The following GPLD1 variants were observed in gnomAD, a reference collection of about 807,000 sequenced individuals.
GPLD1 encodes the protein glycosylphosphatidylinositol specific phospholipase D1.
Under a neutral mutation model 112.6 loss-of-function variants are expected in GPLD1, and 84 were observed. That is an observed-to-expected ratio of 0.75 (90% CI 0.63 to 0.89). The LOEUF (loss-of-function observed/expected upper bound fraction) is 0.89. Among genes scored for constraint, GPLD1 ranks in the 40% least tolerant of loss-of-function variants. The pLI is 0.00. For synonymous variants in GPLD1, 386 were observed against 403.8 expected (o/e 0.96, Z 0.53); for missense variants, 1,044 against 1,051.5 (o/e 0.99, Z 0.10).
chr6:24,437,500 G>A (rs1762618830), intron 20 of GPLD1, among the ~76,000 whole-genome samples: 1 of 152,194 alleles, frequency 6.6e-6, no homozygotes, highest in South Asian at 2.1e-4. Flanking sequence ...CCTCCAGGCA[G>A]GTATTCTTTT....
At chr6:24,474,946 C>CAAAA (rs10646493) in intron 5 of GPLD1, among the ~76,000 whole-genome samples, 175 bp downstream of exon 5, 1 of 108,646 alleles carries the variant, frequency 9.2e-6, no homozygotes, top group Non-Finnish European at 2.0e-5. Flanking sequence ...GACTCCATCT[C>CAAAA]AAAAAAAAAA....
intron 4 of GPLD1, among the ~76,000 whole-genome samples, 156 bp from the exon 5 acceptor site, chr6:24,475,387 A>G (rs1007909484): frequency 3.2e-4 from 49 of 152,244 alleles, no homozygotes; most frequent in African/African-American, 1.2e-3. Context: ...TAAAAACCAC[A>G]TAAGAGGCCA....
chr6:24,436,036 G>C (rs919014604), intron 22 of GPLD1, among the ~76,000 whole-genome samples: 2 of 151,890 alleles, frequency 1.3e-5, no homozygotes, highest in Non-Finnish European at 2.9e-5. Context: ...TAGAAGAACT[G>C]CTTGAGCCCA....
chr6:24,486,905 T>C (rs534709578), intron 1 of GPLD1, among the ~76,000 whole-genome samples: 28 of 152,126 alleles, frequency 1.8e-4, no homozygotes, highest in Non-Finnish European at 3.7e-4. Flanking sequence ...ACCTAACCTA[T>C]GGACTGAACC....
intron 1 of GPLD1, chr6:24,494,925 TC>T: frequency 8.0e-7 from 1 of 1,253,698 alleles, no homozygotes; most frequent in South Asian, 3.6e-5. Context: ...TCCTCTTGCT[TC>T]CCCGCGACCC....
intron 20 of GPLD1, among the ~76,000 whole-genome samples, chr6:24,444,709 T>C (rs1581740752): frequency 6.6e-6 from 1 of 151,978 alleles, no homozygotes; most frequent in Non-Finnish European, 1.5e-5. Context: ...AATTAGATAA[T>C]GTGGTGGCTG....
chr6:24,455,092 C>T (rs1414973015), intron 13 of GPLD1, among the ~76,000 whole-genome samples: 1 of 152,194 alleles, frequency 6.6e-6, no homozygotes, highest in African/African-American at 2.4e-5. Context: ...TCAGAACAAA[C>T]GGCAGAACAA....
At position 24,454,199 on chromosome 6, in the gene GPLD1, G is replaced by T. The variant is rs750784468; in HGVS notation, c.1151C>A (p.Ala384Glu). Reference sequence around the variant, plus strand: ...CTGGTTGAGGTCAGCTGAGGTCATTGCCCTTAGGGAAGTGAAGGGACCCAC... The same window carrying T: ...CTGGTTGAGGTCAGCTGAGGTCATTTCCCTTAGGGAAGTGAAGGGACCCAC... ...LSFPYARLGW[A>E]MTSADLNQDG... Residue 384 changes from alanine (A) to glutamate (E), a missense_variant and splice_region_variant, in exon 14 of 25, where the codon GCA (alanine) becomes GAA (glutamate). Ala to Glu is a moderately radical substitution (Grantham distance 107). Transcript: ENST00000230036. 6.2e-7 allele frequency: 1 copy of T among 1,608,390 alleles called. No homozygotes were observed. The highest frequency in any genetic ancestry group is 1.1e-5 in the South Asian group (1 of 90,440).
At position 24,445,690 on chromosome 6, in the gene GPLD1, G is replaced by A. The variant is rs749525388; in HGVS notation, c.1926+36C>T. ...GTATAGGTGAGAAAACTTCCTTGGA[G>A]TGTCCACTCTCCTGTGTGGGGAGGG... On this transcript the variant is annotated intron_variant, in intron 19 of 24. Coordinates refer to ENST00000230036, the MANE Select transcript of GPLD1 (RefSeq NM_001503.4). 2.5e-6 allele frequency: 4 copies of A among 1,597,938 alleles called. No homozygotes were observed. The South Asian group carries it at 4.4e-5, about 18-fold the overall frequency.
intron 14 of GPLD1, among the ~76,000 whole-genome samples, chr6:24,452,603 C>G (rs1763126533): frequency 6.6e-6 from 1 of 152,090 alleles, no homozygotes; most frequent in African/African-American, 2.4e-5. Context: ...TGGTGAAACC[C>G]CGTCTCTACT....
At chr6:24,433,554 G>C (rs145510429) in intron 22 of GPLD1, 165 bp from the exon 23 acceptor site, 12 of 539,000 alleles carry the variant, frequency 2.2e-5, no homozygotes, top group Middle Eastern at 5.2e-4. Flanking sequence ...GTGCAGTGGC[G>C]TGATCTCAGC....
intron 22 of GPLD1, chr6:24,435,927 T>G (rs1033651482): frequency 1.5e-5 from 2 of 133,508 alleles, no homozygotes; most frequent in Non-Finnish European, 3.3e-5. Context: ...AACAAAGAAA[T>G]GAAACAAAAA....
rs202235007 is a variant in GPLD1 at position 24,481,337 on chromosome 6, CCCG to C, written c.154-1381_154-1379del. Among the ~76,000 whole-genome samples, 1,283 of 145,518 alleles carry C rather than the reference CCCG, an allele frequency of 8.8e-3. 17 individuals carry two copies. Among genetic ancestry groups the C allele is most frequent in the African/African-American group, 0.034 (1,216 of 35,666 alleles). ...GGGCAAAGTAAAAGTTTGGCAATAT[CCCG>C]CCCTTTTTTTTTTTTTTTTAAATAA... On this transcript the variant is annotated intron_variant, in intron 2 of 24. Coordinates refer to ENST00000230036, the MANE Select transcript of GPLD1 (RefSeq NM_001503.4).
intron 1 of GPLD1, chr6:24,494,917 C>G: frequency 8.0e-7 from 1 of 1,243,888 alleles, no homozygotes; most frequent in Non-Finnish European, 1.0e-6. Context: ...CTCCTCGCTC[C>G]TCTTGCTTCC....
Position 24,437,297 on chromosome 6 carries a change from G to A in GPLD1, c.2021-8C>T, listed in dbSNP as rs748993320. The A allele has an allele frequency of 2.5e-6, 4 of 1,611,528 alleles. No individual in the cohort carries two copies. Among genetic ancestry groups the A allele is most frequent in the East Asian group, 2.2e-5 (1 of 44,848 alleles). ...CCACCTTAGACACGTCATCTGAAAC[G>A]AACCACAGTTCCTGCTGGCCTCACA... On this transcript the variant is annotated splice_polypyrimidine_tract_variant and splice_region_variant and intron_variant, in intron 20 of 24. Transcript: ENST00000230036.
chr6:24,481,415 C>T (rs1027227414), intron 2 of GPLD1, among the ~76,000 whole-genome samples: 3 of 150,762 alleles, frequency 2.0e-5, no homozygotes, highest in Non-Finnish European at 2.9e-5. Flanking sequence ...AGAAGTACTT[C>T]AAGAAATTAA....
At chr6:24,424,955 G>T (rs377717246), downstream of GPLD1, 8 of 152,190 alleles carry the variant, frequency 5.3e-5, no homozygotes, top group African/African-American at 1.9e-4. Flanking sequence ...ACTCCTGTGT[G>T]TGGTCATGGG....
intron 22 of GPLD1, among the ~76,000 whole-genome samples, chr6:24,434,653 C>T (rs1225052964): frequency 6.6e-6 from 1 of 151,560 alleles, no homozygotes; most frequent in African/African-American, 2.4e-5. Flanking sequence ...GTGGCTAACA[C>T]GGTGAAACCC....
At chr6:24,480,347 A>C (rs866112592) in intron 2 of GPLD1, among the ~76,000 whole-genome samples, 1 of 152,112 alleles carries the variant, frequency 6.6e-6, no homozygotes, top group Middle Eastern at 3.4e-3. Flanking sequence ...TTGTGTTTTG[A>C]GATGGAGTTT....
Sources: gnomAD v4.1 joint callset for allele counts (sites outside exome capture counted in the v4.1 genomes callset) on GRCh38, gnomAD v4.1.1 for gene constraint, MANE v1.5 for transcripts, NCBI Gene and HGNC (gene_info 2026-07-23, HGNC 2026-07-21) for gene names.